HEATR5A: variants seen among roughly 807,000 people sequenced by gnomAD.
The protein encoded by HEATR5A is HEAT repeat containing 5A.
A neutral mutation model predicts 218.8 loss-of-function variants in HEATR5A; 178 were observed. The observed-to-expected ratio is 0.81, with a 90% CI of 0.72 to 0.92. The LOEUF is 0.92. Ranked by LOEUF, HEATR5A falls within the 40% of genes least tolerant of loss-of-function variation. The probability of loss-of-function intolerance (pLI) is 0.00; values close to 1 mark genes in which losing one functional copy is unlikely to be tolerated. For missense variants in HEATR5A, 2,420 were observed against 2,418.9 expected (o/e 1.00, Z -0.01); for synonymous variants, 864 against 871.6 (o/e 0.99, Z 0.15).
At chr14:31,400,888 GGA>G (rs1491030825) in intron 2 of HEATR5A, among the ~76,000 whole-genome samples, 1 of 151,060 alleles carries the variant, frequency 6.6e-6, no homozygotes, top group East Asian at 1.9e-4. Context: ...CGCCCAGGCT[GGA>G]GTGCAGTGGC....
At chr14:31,398,098 T>C (rs1392500450) in intron 4 of HEATR5A, among the ~76,000 whole-genome samples, 5 of 152,090 alleles carry the variant, frequency 3.3e-5, no homozygotes, top group African/African-American at 1.2e-4. Flanking sequence ...TATCTTAAAG[T>C]CAAATGAAGA....
intron 33 of HEATR5A, among the ~76,000 whole-genome samples, chr14:31,300,015 A>G (rs965213715): frequency 2.3e-4 from 35 of 151,956 alleles, no homozygotes; most frequent in African/African-American, 8.2e-4. Context: ...CAGCCTGGGC[A>G]ACAGAGCGAG....
intron 26 of HEATR5A, 93 bp from the exon 27 acceptor site, chr14:31,316,042 G>T: frequency 1.0e-6 from 1 of 976,736 alleles, no homozygotes; most frequent in Non-Finnish European, 1.4e-6. Context: ...CCAGCACTTT[G>T]GGAGGTGACG....
At chr14:31,354,585 A>G (rs1307303357) in intron 16 of HEATR5A, among the ~76,000 whole-genome samples, 1 of 152,204 alleles carries the variant, frequency 6.6e-6, no homozygotes, top group African/African-American at 2.4e-5. Flanking sequence ...AGTACTCATA[A>G]GTAGTATCAA....
At position 31,354,402 on chromosome 14, in the gene HEATR5A, C is replaced by CA. The variant is rs376264522; in HGVS notation, c.2412-3686dup. Among the ~76,000 whole-genome samples the CA allele has an allele frequency of 2.0e-5, 3 of 152,250 alleles. 1 individual carries two copies. The highest frequency in any genetic ancestry group is 7.2e-5 in the African/African-American group (3 of 41,542). On this transcript the variant is annotated intron_variant, in intron 16 of 35. Transcript: ENST00000543095. The stretch of plus-strand genomic sequence containing the variant: ...ACCAAAGACTACAAAACAGGATTGT[C>CA]AGAGCTCAAAATCTTTTTCTTCATC...
chr14:31,308,672 T>C (rs947691723), intron 29 of HEATR5A, among the ~76,000 whole-genome samples: 1 of 152,204 alleles, frequency 6.6e-6, no homozygotes, highest in Non-Finnish European at 1.5e-5. Context: ...CAAGTATCAC[T>C]GTGCTTTGAC....
At chr14:31,295,810 C>T in intron 34 of HEATR5A, 99 bp downstream of exon 34, 1 of 906,102 alleles carries the variant, frequency 1.1e-6, no homozygotes, top group Non-Finnish European at 1.7e-6. Flanking sequence ...AAATTGTAGT[C>T]TAATACTTCC....
intron 32 of HEATR5A, among the ~76,000 whole-genome samples, chr14:31,304,521 G>A (rs952399959): frequency 2.0e-5 from 3 of 151,960 alleles, no homozygotes; most frequent in Admixed American, 1.3e-4. Flanking sequence ...GGGTTCAAGC[G>A]ATTCTCCTGC....
In HEATR5A at chr14:31,395,249, T is replaced by C. The variant is rs890040897; in HGVS notation, c.547A>G (p.Arg183Gly). ...PCHRDVYKAA[R>G]SCLTDRSMAV... The stretch of plus-strand genomic sequence containing the variant: ...ATGGATCTATCTGTCAAGCAGGATC[T>C]AGCAGCTTTATAAACATCCCTGTGA... The change falls in exon 5 of 36, where the codon AGA (arginine) becomes GGA (glycine). Residue 183 changes from arginine to glycine, a missense_variant. Coordinates refer to ENST00000543095, the MANE Select transcript of HEATR5A (RefSeq NM_015473.4). The C allele has an allele frequency of 4.6e-6, 7 of 1,533,860 alleles. No individual in the cohort carries two copies. In the African/African-American group the frequency reaches 6.8e-5, roughly 15 times the overall value.
intron 22 of HEATR5A, among the ~76,000 whole-genome samples, chr14:31,328,347 G>A (rs776179913): frequency 5.3e-5 from 8 of 152,098 alleles, no homozygotes; most frequent in African/African-American, 1.2e-4. Flanking sequence ...TCAGATTAGG[G>A]ATCTAACAAG....
chr14:31,405,438 A>T (rs2031028340), intron 1 of HEATR5A, among the ~76,000 whole-genome samples: 1 of 152,202 alleles, frequency 6.6e-6, no homozygotes, highest in Admixed American at 6.5e-5. Flanking sequence ...TGTCTTGAAC[A>T]ACAACAAAAA....
At chr14:31,367,890 GAATAT>G (rs2056002538) in intron 13 of HEATR5A, among the ~76,000 whole-genome samples, 1 of 152,056 alleles carries the variant, frequency 6.6e-6, no homozygotes, top group African/African-American at 2.4e-5. Flanking sequence ...GCATAAATGA[GAATAT>G]AATACATGAC....
intron 11 of HEATR5A, among the ~76,000 whole-genome samples, chr14:31,376,095 T>A (rs1371655133): frequency 1.3e-5 from 2 of 152,354 alleles, no homozygotes; most frequent in Non-Finnish European, 1.5e-5. Context: ...CATCCACTTA[T>A]TAGTTGTGTA....
At chr14:31,340,552 G>T in intron 21 of HEATR5A, 1 of 883,790 alleles carries the variant, frequency 1.1e-6, no homozygotes, top group Non-Finnish European at 1.6e-6. Flanking sequence ...ACAACAGTCA[G>T]CTAAGCATTA....
At chr14:31,319,325 G>C (rs1900013189) in intron 25 of HEATR5A, among the ~76,000 whole-genome samples, 1 of 151,850 alleles carries the variant, frequency 6.6e-6, no homozygotes, top group South Asian at 2.1e-4. Flanking sequence ...GCTAATTTTT[G>C]TATTTTTAGT....
At chr14:31,364,089 C>T (rs946910972) in intron 14 of HEATR5A, 100 bp downstream of exon 14, 10 of 554,798 alleles carry the variant, frequency 1.8e-5, no homozygotes, top group South Asian at 3.2e-5. Flanking sequence ...TAAATAACTG[C>T]CATTATAATT....
chr14:31,311,681 AT>A (rs879539139), intron 28 of HEATR5A, among the ~76,000 whole-genome samples: 330 of 151,842 alleles, frequency 2.2e-3, no homozygotes, highest in African/African-American at 4.9e-3. Context: ...ATATATATAT[AT>A]ATAAAAAAGA....
chr14:31,319,936 C>G (rs1271765625), intron 25 of HEATR5A, among the ~76,000 whole-genome samples: 1 of 152,014 alleles, frequency 6.6e-6, no homozygotes. Context: ...GTTACAGCTA[C>G]TTCAGGTTGC....
chr14:31,383,928 A>G (rs2030098600), intron 9 of HEATR5A, among the ~76,000 whole-genome samples, 157 bp from the exon 10 acceptor site: 1 of 152,190 alleles, frequency 6.6e-6, no homozygotes, highest in Non-Finnish European at 1.5e-5. Context: ...ATTTTCTTTT[A>G]ACTTCATTTT....
Sources: gnomAD v4.1 joint callset for allele counts (sites outside exome capture counted in the v4.1 genomes callset) on GRCh38, gnomAD v4.1.1 for gene constraint, MANE v1.5 for transcripts, NCBI Gene and HGNC (gene_info 2026-07-23, HGNC 2026-07-21) for gene names.